Variants in PPFIBP1 observed in about 807,000 individuals in gnomAD.
PPFIBP1 encodes the protein liprin-beta-1.
In PPFIBP1, 112 loss-of-function variants were observed where a neutral mutation model predicts 137.8. The ratio of observed to expected loss-of-function variants is 0.81; its 90% CI spans 0.70 to 0.95. PPFIBP1 has a LOEUF of 0.95. PPFIBP1 is among the 40% of genes least tolerant of loss of function. The pLI is 0.00. For synonymous variants in PPFIBP1, 378 were observed against 417.3 expected, an observed-to-expected ratio of 0.91 and a Z score of 1.15; for missense variants, 1,083 against 1,196.6, an observed-to-expected ratio of 0.91 and a Z score of 1.40.
chr12:27,640,611 C>T (rs935483936), intron 4 of PPFIBP1, among the ~76,000 whole-genome samples: 2 of 143,470 alleles, frequency 1.4e-5, no homozygotes, highest in African/African-American at 2.5e-5. Flanking sequence ...TTGCCCACTG[C>T]GAAGCTCATG....
chr12:27,561,773 C>G (rs2049184574), intron 1 of PPFIBP1, among the ~76,000 whole-genome samples: 1 of 152,120 alleles, frequency 6.6e-6, no homozygotes, highest in South Asian at 2.1e-4. Context: ...GGGATGCTTT[C>G]CCCCAGAGAG....
intron 6 of PPFIBP1, among the ~76,000 whole-genome samples, chr12:27,649,210 C>T (rs964010805): frequency 2.6e-5 from 4 of 152,298 alleles, no homozygotes; most frequent in African/African-American, 9.6e-5. Flanking sequence ...AGCAAAACCT[C>T]GTAGGTTTCC....
chr12:27,626,165 A>T (rs1056570391), intron 2 of PPFIBP1, among the ~76,000 whole-genome samples: 1 of 152,182 alleles, frequency 6.6e-6, no homozygotes, highest in Non-Finnish European at 1.5e-5. Context: ...GGAAAAAAAC[A>T]TGTGATGACA....
chr12:27,572,972 TAAGTTTG>T (rs1256723200), intron 1 of PPFIBP1, among the ~76,000 whole-genome samples: 1 of 152,170 alleles, frequency 6.6e-6, no homozygotes, highest in African/African-American at 2.4e-5. Flanking sequence ...CACAAAGAAA[TAAGTTTG>T]AAGTTTGCTC....
chr12:27,667,058 A>G (rs983134364), intron 12 of PPFIBP1, 108 bp from the exon 13 acceptor site: 9 of 1,167,028 alleles, frequency 7.7e-6, no homozygotes, highest in African/African-American at 1.6e-5. Flanking sequence ...ATTTTTGAGG[A>G]TCAGAAAAAA....
In PPFIBP1 at chr12:27,639,234, C is replaced by A. The variant is rs138578712; in HGVS notation, c.270+4119C>A. Among the ~76,000 whole-genome samples the A allele has an allele frequency of 2.1e-3, 322 of 152,226 alleles. 11 individuals carry two copies. In the East Asian group the frequency reaches 0.059, roughly 28 times the overall value. On this transcript the variant is annotated intron_variant, in intron 4 of 29. Transcript: ENST00000228425. ...TCCTGTGGTTAAAAAAAACTGTAGA[C>A]TATGACATATTTGTTTAATTACTGA...
At chr12:27,594,669 A>G (rs536322610) in intron 2 of PPFIBP1, among the ~76,000 whole-genome samples, 4 of 152,346 alleles carry the variant, frequency 2.6e-5, no homozygotes, top group African/African-American at 7.2e-5. Context: ...CTTGTATCAT[A>G]AAAGAAAAAG....
chr12:27,656,380 T>C (rs1396009111), intron 8 of PPFIBP1, among the ~76,000 whole-genome samples: 1 of 152,230 alleles, frequency 6.6e-6, no homozygotes, highest in Non-Finnish European at 1.5e-5. Context: ...TCTTTTTAAT[T>C]TGATTACAAA....
Position 27,581,366 on chromosome 12 carries a change from A to G in PPFIBP1, c.-36+3127A>G, listed in dbSNP as rs184449113. Among the ~76,000 whole-genome samples the G allele has an allele frequency of 3.9e-5, 6 of 152,316 alleles. No individual in the cohort carries two copies. In the East Asian group the frequency reaches 1.2e-3, roughly 29 times the overall value. On this transcript the variant is annotated intron_variant, in intron 2 of 29. Transcript: ENST00000228425. ...CTTTTGAGGCTGAATGGGCCCAGGT[A>G]CAAGAATGAGGTGGGAGCCACTTGT...
intron 1 of PPFIBP1, among the ~76,000 whole-genome samples, chr12:27,556,237 GC>G (rs1414098338): frequency 6.6e-6 from 1 of 152,148 alleles, no homozygotes; most frequent in Non-Finnish European, 1.5e-5. Flanking sequence ...ATTTTCCATA[GC>G]CACCTGGGAG....
chr12:27,673,882 T>A (rs2060348901), intron 16 of PPFIBP1, 55 bp downstream of exon 16: 4 of 1,417,126 alleles, frequency 2.8e-6, no homozygotes, highest in Non-Finnish European at 3.9e-6. Context: ...AAAAACTATT[T>A]AGGGATCTTC....
intron 1 of PPFIBP1, among the ~76,000 whole-genome samples, chr12:27,571,708 G>A (rs2050166574): frequency 6.6e-6 from 1 of 152,154 alleles, no homozygotes; most frequent in South Asian, 2.1e-4. Context: ...ATACCAGTGG[G>A]CTGAAGTCAT....
At chr12:27,632,371 C>T (rs1263817816) in intron 2 of PPFIBP1, among the ~76,000 whole-genome samples, 1 of 152,142 alleles carries the variant, frequency 6.6e-6, no homozygotes, top group African/African-American at 2.4e-5. Context: ...GTATCTATAA[C>T]ATAGTAAGAG....
chr12:27,586,984 A>G (rs1325698008), intron 2 of PPFIBP1, among the ~76,000 whole-genome samples: 1 of 152,248 alleles, frequency 6.6e-6, no homozygotes, highest in Admixed American at 6.5e-5. Flanking sequence ...CAAACGGCAG[A>G]GGACCTATCT....
At chr12:27,660,167 C>T (rs141556051) in intron 10 of PPFIBP1, among the ~76,000 whole-genome samples, 1 of 152,140 alleles carries the variant, frequency 6.6e-6, no homozygotes, top group African/African-American at 2.4e-5. Flanking sequence ...GCTGGGATTA[C>T]AGGCATGAGC....
At chr12:27,567,405 G>T (rs1464385134) in intron 1 of PPFIBP1, among the ~76,000 whole-genome samples, 1 of 152,146 alleles carries the variant, frequency 6.6e-6, no homozygotes, top group African/African-American at 2.4e-5. Flanking sequence ...GGTGATGCTG[G>T]CATAGAAATT....
chr12:27,686,504 A>G (rs2061209952), intron 24 of PPFIBP1, among the ~76,000 whole-genome samples: 1 of 152,212 alleles, frequency 6.6e-6, no homozygotes, highest in Non-Finnish European at 1.5e-5. Flanking sequence ...TGTGATACTT[A>G]TAACTTCATT....
At chr12:27,641,963 AAAT>A in intron 4 of PPFIBP1, among the ~76,000 whole-genome samples, 1 of 149,818 alleles carries the variant, frequency 6.7e-6, no homozygotes, top group Non-Finnish European at 1.5e-5. Flanking sequence ...ATAAATAAAT[AAAT>A]AAATAAATAA....
chr12:27,597,082 T>C (rs2053400032), intron 2 of PPFIBP1, among the ~76,000 whole-genome samples: 2 of 152,244 alleles, frequency 1.3e-5, no homozygotes, highest in South Asian at 4.1e-4. Context: ...CTAAAAGTAC[T>C]TGCAAGGGGT....
Sources: allele counts gnomAD v4.1 joint callset (sites outside exome capture counted in the v4.1 genomes callset), GRCh38; gene constraint gnomAD v4.1.1; transcripts MANE v1.5; gene names NCBI Gene and HGNC (gene_info 2026-07-23, HGNC 2026-07-21).